XNDC1N: variants seen among roughly 807,000 people sequenced by gnomAD.
XNDC1N encodes XRCC1 N-terminal domain containing 1, N-terminal like.
the XNDC1N span, among the ~76,000 whole-genome samples, chr11:71,900,585 CAT>C: frequency 6.6e-6 from 1 of 152,164 alleles, no homozygotes; most frequent in African/African-American, 2.4e-5. Context: ...TTGTCCTTTT[CAT>C]AGACATCTCA....
the XNDC1N span, among the ~76,000 whole-genome samples, chr11:71,910,977 A>T: frequency 6.6e-6 from 1 of 152,240 alleles, no homozygotes; most frequent in African/African-American, 2.4e-5. Flanking sequence ...GACAAAGCCT[A>T]TTCCATCGTA....
the XNDC1N span, among the ~76,000 whole-genome samples, chr11:71,875,430 C>G: frequency 6.6e-6 from 1 of 151,614 alleles, no homozygotes; most frequent in African/African-American, 2.4e-5. Context: ...ATAAAATATA[C>G]TTATAGGATA....
chr11:71,887,875 T>C, the XNDC1N span, among the ~76,000 whole-genome samples: 4 of 151,718 alleles, frequency 2.6e-5, no homozygotes, highest in Middle Eastern at 3.4e-3. Context: ...ACCTGAAAGA[T>C]GCTTTCTTTC....
the XNDC1N span, among the ~76,000 whole-genome samples, chr11:71,919,864 G>A: frequency 1.5e-5 from 2 of 133,822 alleles, no homozygotes; most frequent in Admixed American, 8.2e-5. Context: ...TGATCCGCCC[G>A]CCTCGGCCTC....
the XNDC1N span, among the ~76,000 whole-genome samples, chr11:71,902,415 T>A: frequency 6.6e-6 from 1 of 152,172 alleles, no homozygotes; most frequent in Non-Finnish European, 1.5e-5. Flanking sequence ...ATGGTCTTGA[T>A]CTCCTGACCC....
chr11:71,878,444 T>A, the XNDC1N span: 7 of 1,611,548 alleles, frequency 4.3e-6, no homozygotes, highest in African/African-American at 9.3e-5. Flanking sequence ...CTGCTTTACC[T>A]ATTCAACCAT....
At chr11:71,879,021 AT>A in the XNDC1N span, among the ~76,000 whole-genome samples, 15 of 152,158 alleles carry the variant, frequency 9.9e-5, no homozygotes, top group Admixed American at 2.0e-4. Flanking sequence ...ATAAAAAAAA[AT>A]AAACTTACTT....
chr11:71,895,580 G>A, the XNDC1N span, among the ~76,000 whole-genome samples: 2 of 146,078 alleles, frequency 1.4e-5, no homozygotes, highest in Non-Finnish European at 3.0e-5. Context: ...GCCCGCTTCC[G>A]CCCCCCAAAC....
At chr11:71,911,220 A>G in the XNDC1N span, among the ~76,000 whole-genome samples, 4 of 152,244 alleles carry the variant, frequency 2.6e-5, no homozygotes, top group African/African-American at 9.6e-5. Flanking sequence ...AATGAATACT[A>G]AAGGACATCA....
chr11:71,888,899 A>C, the XNDC1N span, among the ~76,000 whole-genome samples: 2 of 152,220 alleles, frequency 1.3e-5, no homozygotes, highest in Admixed American at 6.5e-5. Flanking sequence ...GAGCCCTGTC[A>C]AGCCTGGTTG....
At chr11:71,915,323 C>T in the XNDC1N span, among the ~76,000 whole-genome samples, 1 of 152,026 alleles carries the variant, frequency 6.6e-6, no homozygotes, top group Non-Finnish European at 1.5e-5. Context: ...TGGCAGGCAC[C>T]TGTAGTCCCA....
At chr11:71,919,828 A>G in the XNDC1N span, among the ~76,000 whole-genome samples, 1 of 145,458 alleles carries the variant, frequency 6.9e-6, no homozygotes, top group African/African-American at 2.5e-5. Flanking sequence ...CGTGTTAGCC[A>G]GGATGGTCTC....
chr11:71,913,612 T>C, the XNDC1N span, among the ~76,000 whole-genome samples: 1 of 140,242 alleles, frequency 7.1e-6, no homozygotes, highest in Non-Finnish European at 1.5e-5. Flanking sequence ...TCAGCCAAGA[T>C]CGTGCCACTG....
At chr11:71,875,099 A>C in the XNDC1N span, among the ~76,000 whole-genome samples, 2 of 152,222 alleles carry the variant, frequency 1.3e-5, no homozygotes, top group Non-Finnish European at 2.9e-5. Context: ...TTATAAACAC[A>C]AAACAATGCC....
chr11:71,886,823 C>T, the XNDC1N span, among the ~76,000 whole-genome samples: 1 of 152,026 alleles, frequency 6.6e-6, no homozygotes, highest in Admixed American at 6.6e-5. Flanking sequence ...GAGGTCAGGC[C>T]CGGCGATATG....
chr11:71,906,466 C>T, the XNDC1N span, among the ~76,000 whole-genome samples: 1 of 151,930 alleles, frequency 6.6e-6, no homozygotes, highest in Non-Finnish European at 1.5e-5. Context: ...GTCACATCCC[C>T]CGAGGATATA....
chr11:71,871,219 A>G, the XNDC1N span, among the ~76,000 whole-genome samples: 1 of 152,208 alleles, frequency 6.6e-6, no homozygotes, highest in Non-Finnish European at 1.5e-5. Context: ...AAACTTTTTT[A>G]TTTGCAGCAA....
At chr11:71,866,860 TTCTA>T in the XNDC1N span, among the ~76,000 whole-genome samples, 1 of 152,190 alleles carries the variant, frequency 6.6e-6, no homozygotes, top group African/African-American at 2.4e-5. Flanking sequence ...GTTTTGTTCT[TTCTA>T]TCTTTCTGGA....
chr11:71,903,883 A>T, the XNDC1N span: 2 of 381,742 alleles, frequency 5.2e-6, no homozygotes, highest in Non-Finnish European at 5.2e-6. Flanking sequence ...GGGTTTCATC[A>T]TCAGGTGGGA....
Sources: allele counts gnomAD v4.1 joint callset (sites outside exome capture counted in the v4.1 genomes callset), GRCh38; gene constraint gnomAD v4.1.1; transcripts MANE v1.5; gene names NCBI Gene and HGNC (gene_info 2026-07-23, HGNC 2026-07-21).